FNBP1: variants seen among roughly 807,000 people sequenced by gnomAD.
FNBP1 encodes the protein formin-binding protein 1.
In FNBP1, 26 loss-of-function variants were observed where a neutral mutation model predicts 90.6. The ratio of observed to expected loss-of-function variants is 0.29; its 90% CI spans 0.21 to 0.40. The LOEUF (loss-of-function observed/expected upper bound fraction) is 0.40. FNBP1 is among the 10% of genes least tolerant of loss of function. The probability of loss-of-function intolerance (pLI) is 1.00; values close to 1 mark genes in which losing one functional copy is unlikely to be tolerated. For missense variants in FNBP1, 635 were observed against 768.0 expected (o/e 0.83, Z 2.05); for synonymous variants, 260 against 265.2 (o/e 0.98, Z 0.19).
chr9:129,932,336 ATTTG>A (rs554716744), intron 6 of FNBP1, among the ~76,000 whole-genome samples: 141 of 152,234 alleles, frequency 9.3e-4, no homozygotes, highest in Non-Finnish European at 1.7e-3. Flanking sequence ...AAGCTGAAGT[ATTTG>A]TTCCACTTTC....
intron 1 of FNBP1, among the ~76,000 whole-genome samples, chr9:130,009,194 C>T (rs771389441): frequency 4.5e-4 from 68 of 152,276 alleles, no homozygotes; most frequent in Non-Finnish European, 7.9e-4. Context: ...TCCACTAAAA[C>T]GCTTGCCAAT....
chr9:129,981,177 C>T (rs944320610), intron 2 of FNBP1, among the ~76,000 whole-genome samples: 4 of 152,150 alleles, frequency 2.6e-5, no homozygotes, highest in African/African-American at 7.2e-5. Context: ...CAACCTCCAC[C>T]TCCTGGGTTC....
chr9:129,986,219 C>T (rs2052210626), intron 2 of FNBP1, among the ~76,000 whole-genome samples: 1 of 151,986 alleles, frequency 6.6e-6, no homozygotes, highest in African/African-American at 2.4e-5. Context: ...AAAATCCAGT[C>T]TGCAAGAAAA....
At chr9:129,918,205 T>A (rs2040549977) in intron 10 of FNBP1, among the ~76,000 whole-genome samples, 1 of 152,200 alleles carries the variant, frequency 6.6e-6, no homozygotes, top group South Asian at 2.1e-4. Flanking sequence ...AAATACCAAA[T>A]TCTCAGACAA....
chr9:130,009,190 A>G (rs550135593), intron 1 of FNBP1, among the ~76,000 whole-genome samples: 7 of 152,324 alleles, frequency 4.6e-5, no homozygotes, highest in Middle Eastern at 3.4e-3. Flanking sequence ...ATTTTCCACT[A>G]AAACGCTTGC....
In FNBP1 at chr9:130,041,578, A is replaced by C. The variant is rs2059821513; in HGVS notation, c.24+1374T>G. Among the ~76,000 whole-genome samples, 1 of 152,214 alleles carries C rather than the reference A, an allele frequency of 6.6e-6. No homozygotes were observed. The highest frequency in any genetic ancestry group is 1.5e-5 in the Non-Finnish European group (1 of 68,040). On this transcript the variant is annotated intron_variant, in intron 1 of 16. Coordinates refer to ENST00000446176, the MANE Select transcript of FNBP1 (RefSeq NM_015033.3). The surrounding 1 kb of genome is among the most constrained non-coding windows in gnomAD (Gnocchi z 4.3). The stretch of plus-strand genomic sequence containing the variant: ...CTAAACTGGTGTGTGCAAATATTTT[A>C]AACTATTTTATTTTCAAAATGGATA...
intron 12 of FNBP1, among the ~76,000 whole-genome samples, chr9:129,907,543 CTCT>C (rs1408213339): frequency 6.6e-6 from 1 of 151,396 alleles, no homozygotes; most frequent in Non-Finnish European, 1.5e-5. Context: ...AGTGGTATAC[CTCT>C]TGAGACAGAT....
chr9:129,899,444 C>T (rs1039811492), intron 15 of FNBP1, among the ~76,000 whole-genome samples: 15 of 152,102 alleles, frequency 9.9e-5, no homozygotes, highest in African/African-American at 3.6e-4. Context: ...GGCACAGTGG[C>T]TCACACCTGT....
rs1053716875 is a variant in FNBP1, at chr9:129,916,086, G to A, written c.1171-106C>T. 2.4e-5 allele frequency: 19 copies of A among 780,608 alleles called. No homozygotes were observed. The Admixed American group carries it at 2.6e-4, about 11-fold the overall frequency. 48.4% of individuals were successfully genotyped at this position (780,608 alleles called of 1,614,324 possible). ...GAAGAAGAGGAACTTGGTCAGTTCC[G>A]CCATATTAAAATAACACACACGTCT... On this transcript the variant is annotated intron_variant, in intron 10 of 16. Transcript: ENST00000446176.
intron 1 of FNBP1, among the ~76,000 whole-genome samples, chr9:130,035,462 C>T (rs77138334): frequency 1.3e-5 from 2 of 152,308 alleles, no homozygotes; most frequent in Non-Finnish European, 2.9e-5. Context: ...ACAGGTGTTA[C>T]TCCCCAGTAA....
intron 2 of FNBP1, among the ~76,000 whole-genome samples, chr9:129,993,945 A>AT (rs1197138609): frequency 6.6e-6 from 1 of 152,156 alleles, no homozygotes; most frequent in Non-Finnish European, 1.5e-5. Flanking sequence ...TTAAAATACT[A>AT]TTCCACATGA....
chr9:129,958,368 GTTA>G, intron 5 of FNBP1, 120 bp downstream of exon 5: 3 of 684,730 alleles, frequency 4.4e-6, no homozygotes, highest in Non-Finnish European at 7.4e-6. Context: ...GGAAGCAGAG[GTTA>G]CAGTGAGCCG....
At chr9:130,014,225 T>G (rs1305393780) in intron 1 of FNBP1, among the ~76,000 whole-genome samples, 1 of 151,728 alleles carries the variant, frequency 6.6e-6, no homozygotes, top group East Asian at 1.9e-4. Context: ...GGAATAATGT[T>G]CTATTTCTTA....
At chr9:129,992,549 C>CTTTTTTTTT (rs11455680) in intron 2 of FNBP1, among the ~76,000 whole-genome samples, 2 of 92,582 alleles carry the variant, frequency 2.2e-5, no homozygotes, top group Non-Finnish European at 1.9e-5. Context: ...ACACATAGCT[C>CTTTTTTTTT]TTTTTTTTTT....
At chr9:129,960,404 GAAAAAGAA>G (rs2132913062) in intron 4 of FNBP1, among the ~76,000 whole-genome samples, 1 of 110,248 alleles carries the variant, frequency 9.1e-6, no homozygotes, top group African/African-American at 3.2e-5. Flanking sequence ...AAAAAAAAAA[GAAAAAGAA>G]AAAGAAAAAG....
chr9:130,035,907 T>C (rs975098553), intron 1 of FNBP1, among the ~76,000 whole-genome samples: 3 of 151,868 alleles, frequency 2.0e-5, no homozygotes, highest in East Asian at 1.9e-4. Context: ...GATCGTGCCA[T>C]TGCACTCCAG....
chr9:129,968,693 G>A (rs551631085), intron 4 of FNBP1, among the ~76,000 whole-genome samples: 4 of 152,256 alleles, frequency 2.6e-5, no homozygotes, highest in East Asian at 3.9e-4. Context: ...GAAACCTCGC[G>A]AGTAGTTTTA....
chr9:129,895,043 T>C (rs988950521), intron 16 of FNBP1, among the ~76,000 whole-genome samples: 20 of 152,196 alleles, frequency 1.3e-4, no homozygotes, highest in Admixed American at 7.2e-4. Context: ...AGCCAGACTC[T>C]GTCTCAAAAC....
intron 5 of FNBP1, 29 bp downstream of exon 5, chr9:129,958,462 G>T: frequency 6.5e-7 from 1 of 1,538,212 alleles, no homozygotes; most frequent in Non-Finnish European, 8.8e-7. Context: ...CTATAAAGCC[G>T]TTTCTTTTGC....
Sources: allele counts gnomAD v4.1 joint callset (sites outside exome capture counted in the v4.1 genomes callset), GRCh38; gene constraint gnomAD v4.1.1; non-coding constraint Gnocchi (gnomAD v3.1); transcripts MANE v1.5; gene names NCBI Gene and HGNC (gene_info 2026-07-23, HGNC 2026-07-21).